ROBO1: variants seen among roughly 807,000 people sequenced by gnomAD.
ROBO1 encodes the protein roundabout homolog 1.
ROBO1 carries 149 observed loss-of-function variants against 195.9 expected under a neutral mutation model. That is an observed-to-expected ratio of 0.76 (90% confidence interval 0.67 to 0.87). ROBO1 has a LOEUF of 0.87. Ranked by LOEUF, ROBO1 falls within the 40% of genes least tolerant of loss-of-function variation. The pLI is 0.00. For missense variants in ROBO1, 1,933 were observed against 2,068.3 expected, an observed-to-expected ratio of 0.93 and a Z score of 1.27; for synonymous variants, 816 against 733.2, an observed-to-expected ratio of 1.11 and a Z score of -1.82.
intron 2 of ROBO1, among the ~76,000 whole-genome samples, chr3:79,577,148 A>T (rs1224831650): frequency 2.6e-5 from 4 of 151,078 alleles, no homozygotes; most frequent in African/African-American, 7.3e-5. Context: ...CATGTAAAAT[A>T]AAAAAATGTT....
At chr3:78,947,628 G>A (rs1401038186) in intron 3 of ROBO1, among the ~76,000 whole-genome samples, 1 of 152,080 alleles carries the variant, frequency 6.6e-6, no homozygotes, top group Non-Finnish European at 1.5e-5. Flanking sequence ...AAAAGCAAAA[G>A]TAAACACATT....
intron 2 of ROBO1, among the ~76,000 whole-genome samples, chr3:79,450,993 C>G (rs2107195411): frequency 6.6e-6 from 1 of 151,828 alleles, no homozygotes; most frequent in East Asian, 1.9e-4. Context: ...TATTGAATTT[C>G]TTCCAACAAT....
At chr3:79,677,682 C>CTGGCCTGTAGAGGCCAAAGG (rs1946826626) in intron 1 of ROBO1, among the ~76,000 whole-genome samples, 1 of 152,078 alleles carries the variant, frequency 6.6e-6, no homozygotes, top group African/African-American at 2.4e-5. Flanking sequence ...GTCTCTGTGG[C>CTGGCCTGTAGAGGCCAAAGG]TGGCCTGTAG....
intron 2 of ROBO1, among the ~76,000 whole-genome samples, chr3:79,464,688 C>A (rs1937855614): frequency 6.6e-6 from 1 of 151,952 alleles, no homozygotes; most frequent in African/African-American, 2.4e-5. Context: ...CATTATTTTT[C>A]ATCTTTTATT....
chr3:79,447,833 A>T (rs1212283022), intron 2 of ROBO1, among the ~76,000 whole-genome samples: 1 of 152,086 alleles, frequency 6.6e-6, no homozygotes, highest in African/African-American at 2.4e-5. Context: ...AGCTGTTTCT[A>T]CTTCTGTTAA....
intron 4 of ROBO1, among the ~76,000 whole-genome samples, chr3:78,767,908 T>A (rs561676146): frequency 3.3e-5 from 5 of 152,304 alleles, no homozygotes; most frequent in Admixed American, 1.3e-4. Context: ...TGTATTTTTT[T>A]GTTTCAATTT....
At chr3:79,226,946 T>C (rs898714004) in intron 2 of ROBO1, among the ~76,000 whole-genome samples, 14 of 152,136 alleles carry the variant, frequency 9.2e-5, no homozygotes, top group African/African-American at 3.4e-4. Context: ...CTAAGGCCAA[T>C]CTCATCTACT....
At chr3:79,079,832 C>T (rs148607667) in intron 3 of ROBO1, among the ~76,000 whole-genome samples, 4 of 151,606 alleles carry the variant, frequency 2.6e-5, no homozygotes, top group Admixed American at 1.3e-4. Context: ...TTTATAGAAG[C>T]GATAGTCCAT....
rs1484022487 is a variant in ROBO1, at chr3:79,145,482, ATTAC to A, written c.89-19947_89-19944del. On this transcript the variant is annotated intron_variant, in intron 2 of 30. Coordinates refer to ENST00000464233, the MANE Select transcript of ROBO1 (RefSeq NM_002941.4). ...ATGTGAAAACTATAAAGAACATAGA[ATTAC>A]TTACCATACTAAAGGTGGTCATTTG... is the stretch of plus-strand genomic sequence containing the variant. Among the ~76,000 whole-genome samples the A allele has an allele frequency of 2.0e-5, 3 of 152,102 alleles. No individual in the cohort carries two copies. In the East Asian group the frequency reaches 5.8e-4, roughly 29 times the overall value.
chr3:79,523,476 T>A (rs1196719196), intron 2 of ROBO1, among the ~76,000 whole-genome samples: 1 of 147,730 alleles, frequency 6.8e-6, no homozygotes, highest in East Asian at 2.0e-4. Context: ...TTTTTTCTTT[T>A]TTTTTTTTTT....
At chr3:78,793,534 G>C (rs2084089158) in intron 4 of ROBO1, among the ~76,000 whole-genome samples, 1 of 152,144 alleles carries the variant, frequency 6.6e-6, no homozygotes, top group Non-Finnish European at 1.5e-5. Context: ...TCTAATTGCA[G>C]GTACATGATC....
intron 2 of ROBO1, among the ~76,000 whole-genome samples, chr3:79,431,524 A>C (rs1464875561): frequency 6.6e-6 from 1 of 152,146 alleles, no homozygotes; most frequent in African/African-American, 2.4e-5. Flanking sequence ...ATGGTAATGC[A>C]GACTTTTCAA....
At chr3:79,298,174 T>C (rs1576940013) in intron 2 of ROBO1, among the ~76,000 whole-genome samples, 4 of 152,256 alleles carry the variant, frequency 2.6e-5, no homozygotes. Flanking sequence ...GGTTCTTTTA[T>C]GGTTAGAATT....
chr3:79,198,541 G>A (rs1195728638), intron 2 of ROBO1, among the ~76,000 whole-genome samples: 4 of 152,014 alleles, frequency 2.6e-5, no homozygotes, highest in Non-Finnish European at 5.9e-5. Flanking sequence ...GGTTCCACAT[G>A]AACTTTAAAG....
chr3:78,875,783 A>C (rs2035805809), intron 4 of ROBO1, among the ~76,000 whole-genome samples: 1 of 152,092 alleles, frequency 6.6e-6, no homozygotes, highest in African/African-American at 2.4e-5. Context: ...AAGCAGAATC[A>C]AAGTGAAAAA....
At chr3:79,011,666 T>C (rs1039181849) in intron 3 of ROBO1, among the ~76,000 whole-genome samples, 4 of 148,138 alleles carry the variant, frequency 2.7e-5, no homozygotes, top group African/African-American at 7.4e-5. Flanking sequence ...GTTTTATATA[T>C]ATTTATATAT....
At chr3:78,789,098 C>T (rs1040408628) in intron 4 of ROBO1, among the ~76,000 whole-genome samples, 1 of 152,112 alleles carries the variant, frequency 6.6e-6, no homozygotes, top group African/African-American at 2.4e-5. Flanking sequence ...GAATACAGCG[C>T]TAAAATCTAT....
intron 1 of ROBO1, among the ~76,000 whole-genome samples, chr3:79,676,180 CTT>C (rs1286282651): frequency 6.6e-6 from 1 of 151,980 alleles, no homozygotes; most frequent in Non-Finnish European, 1.5e-5. Context: ...GTCCAGGTGA[CTT>C]TGAGAAAATA....
In ROBO1 at chr3:79,016,575, T is replaced by C. The variant is rs111766966; in HGVS notation, c.173-77648A>G. Among the ~76,000 whole-genome samples, 13 of 152,296 alleles carry C rather than the reference T, an allele frequency of 8.5e-5. 1 individual carries two copies. Among genetic ancestry groups the C allele is most frequent in the African/African-American group, 3.1e-4 (13 of 41,560 alleles). The stretch of plus-strand genomic sequence containing the variant: ...ATCTAATAGGACAGTACTTCCCAAA[T>C]AATTCTCCAAGTGAAGACAGAACTT... On this transcript the variant is annotated intron_variant, in intron 3 of 30. Coordinates refer to ENST00000464233, the MANE Select transcript of ROBO1 (RefSeq NM_002941.4).
Sources: gnomAD v4.1 joint callset for allele counts (sites outside exome capture counted in the v4.1 genomes callset) on GRCh38, gnomAD v4.1.1 for gene constraint, MANE v1.5 for transcripts, NCBI Gene and HGNC (gene_info 2026-07-23, HGNC 2026-07-21) for gene names.